Variants in HHLA2 observed in about 807,000 individuals in gnomAD.
The protein encoded by HHLA2 is HERV-H LTR-associating protein 2.
In HHLA2, 48 loss-of-function variants were observed where a neutral mutation model predicts 45.9. The observed-to-expected ratio is 1.05, with a 90% CI of 0.83 to 1.33. The LOEUF (loss-of-function observed/expected upper bound fraction) is 1.33. Ranked by LOEUF, HHLA2 falls within the 40% of genes most tolerant of loss-of-function variation. The pLI is 0.00. For missense variants in HHLA2, 462 were observed against 494.3 expected (o/e 0.93, Z 0.62); for synonymous variants, 161 against 173.9 (o/e 0.93, Z 0.59).
intron 8 of HHLA2, among the ~76,000 whole-genome samples, chr3:108,373,563 G>A (rs2082218407): frequency 6.6e-6 from 1 of 152,186 alleles, no homozygotes; most frequent in Admixed American, 6.5e-5. Context: ...TGACATGACG[G>A]TATATCTAGA....
At chr3:108,371,201 C>T (rs2082164058) in intron 8 of HHLA2, among the ~76,000 whole-genome samples, 1 of 152,096 alleles carries the variant, frequency 6.6e-6, no homozygotes, top group African/African-American at 2.4e-5. Context: ...GAATTTTCAA[C>T]CAGAATTTCA....
intron 1 of HHLA2, among the ~76,000 whole-genome samples, chr3:108,308,569 A>G (rs2080967802): frequency 6.6e-6 from 1 of 152,124 alleles, no homozygotes; most frequent in Non-Finnish European, 1.5e-5. Context: ...TTCAATTTTT[A>G]GTTTTTTAGG....
chr3:108,311,112 T>C (rs2081011367), intron 2 of HHLA2, among the ~76,000 whole-genome samples: 1 of 152,182 alleles, frequency 6.6e-6, no homozygotes, highest in Admixed American at 6.5e-5. Flanking sequence ...AACAAACCTA[T>C]GGTCTTTTAT....
intron 3 of HHLA2, among the ~76,000 whole-genome samples, chr3:108,342,446 G>T (rs2081590222): frequency 6.6e-6 from 1 of 151,696 alleles, no homozygotes; most frequent in Non-Finnish European, 1.5e-5. Context: ...TGTATTTTTA[G>T]TAGAGACAGG....
At chr3:108,357,071 G>A (rs1426905176) in intron 6 of HHLA2, among the ~76,000 whole-genome samples, 1 of 152,226 alleles carries the variant, frequency 6.6e-6, no homozygotes, top group Non-Finnish European at 1.5e-5. Flanking sequence ...TAAGGAGCTT[G>A]TTGAGTCTTG....
At chr3:108,299,576 G>A (rs1391762213) in intron 1 of HHLA2, among the ~76,000 whole-genome samples, 1 of 151,884 alleles carries the variant, frequency 6.6e-6, no homozygotes, top group East Asian at 1.9e-4. Flanking sequence ...GATAAGTGCA[G>A]GAATCTATGG....
chr3:108,373,482 A>G (rs938711178), intron 8 of HHLA2, among the ~76,000 whole-genome samples: 5 of 152,114 alleles, frequency 3.3e-5, no homozygotes, highest in Non-Finnish European at 7.3e-5. Flanking sequence ...GGCCAGGGCA[A>G]TCAGGCAGGA....
chr3:108,355,348 A>G, exon 6 of HHLA2: 1 of 1,613,914 alleles, frequency 6.2e-7, no homozygotes, highest in Non-Finnish European at 8.5e-7. Context: ...TTCACTGCTG[A>G]AGCAAACATG....
At chr3:108,361,594 C>T (rs374641544) in intron 7 of HHLA2, among the ~76,000 whole-genome samples, 3 of 152,234 alleles carry the variant, frequency 2.0e-5, no homozygotes, top group South Asian at 2.1e-4. Flanking sequence ...CTAAGATCTA[C>T]AGTAAGAAAG....
At chr3:108,336,813 A>AT (rs2081479553) in intron 3 of HHLA2, among the ~76,000 whole-genome samples, 1 of 151,914 alleles carries the variant, frequency 6.6e-6, no homozygotes, top group Admixed American at 6.6e-5. Context: ...AAAAAAAAAA[A>AT]TGAGGGGCCG....
intron 1 of HHLA2, among the ~76,000 whole-genome samples, chr3:108,301,345 A>T (rs1458551619): frequency 2.0e-5 from 3 of 152,092 alleles, no homozygotes; most frequent in Non-Finnish European, 4.4e-5. Flanking sequence ...AATTCCAGAG[A>T]CGTGACTGCA....
At chr3:108,364,890 A>G (rs2082038648) in intron 8 of HHLA2, among the ~76,000 whole-genome samples, 1 of 151,832 alleles carries the variant, frequency 6.6e-6, no homozygotes, top group Admixed American at 6.6e-5. Flanking sequence ...TAGATTCTGG[A>G]TATTAGACTT....
At chr3:108,346,328 G>C (rs2081660019) in intron 3 of HHLA2, among the ~76,000 whole-genome samples, 1 of 152,162 alleles carries the variant, frequency 6.6e-6, no homozygotes, top group South Asian at 2.1e-4. Flanking sequence ...TTCTTTTTCT[G>C]TCTAAACAGT....
intron 3 of HHLA2, among the ~76,000 whole-genome samples, chr3:108,350,787 C>T (rs761226501): frequency 6.6e-6 from 1 of 152,178 alleles, no homozygotes; most frequent in Non-Finnish European, 1.5e-5. Flanking sequence ...CTGGTTCAAG[C>T]AATTTGCCTG....
intron 3 of HHLA2, among the ~76,000 whole-genome samples, chr3:108,338,865 C>T (rs2081517720): frequency 6.6e-6 from 1 of 152,146 alleles, no homozygotes; most frequent in Non-Finnish European, 1.5e-5. Context: ...GATTTCTGGG[C>T]ATTCATAAAT....
At chr3:108,303,740 G>T (rs1175503420) in intron 1 of HHLA2, among the ~76,000 whole-genome samples, 4 of 152,136 alleles carry the variant, frequency 2.6e-5, no homozygotes, top group African/African-American at 9.7e-5. Context: ...TATGTAGCAT[G>T]TCAGTTTTTT....
chr3:108,304,931 A>G (rs1245637131), intron 1 of HHLA2, among the ~76,000 whole-genome samples: 1 of 152,182 alleles, frequency 6.6e-6, no homozygotes, highest in African/African-American at 2.4e-5. Flanking sequence ...CCTGAGTAGG[A>G]TTACTGGTTG....
chr3:108,331,750 T>C (rs1250238467), intron 3 of HHLA2, among the ~76,000 whole-genome samples: 1 of 152,160 alleles, frequency 6.6e-6, no homozygotes, highest in Non-Finnish European at 1.5e-5. Context: ...TAATCAAAGA[T>C]TGTATTACAT....
At chr3:108,324,160 A>G (rs1216823483) in intron 2 of HHLA2, among the ~76,000 whole-genome samples, 1 of 152,198 alleles carries the variant, frequency 6.6e-6, no homozygotes, top group Non-Finnish European at 1.5e-5. Flanking sequence ...GTAAAAGCAT[A>G]CAGATAAAAA....
Sources: allele counts gnomAD v4.1 joint callset (sites outside exome capture counted in the v4.1 genomes callset), GRCh38; gene constraint gnomAD v4.1.1; transcripts MANE v1.5; gene names NCBI Gene and HGNC (gene_info 2026-07-23, HGNC 2026-07-21).